RAD1: variants seen among roughly 807,000 people sequenced by gnomAD.
The protein encoded by RAD1 is cell cycle checkpoint protein RAD1.
A neutral mutation model predicts 30.0 loss-of-function variants in RAD1; 21 were observed. The ratio of observed to expected loss-of-function variants is 0.70; its 90% CI spans 0.50 to 1.01. The LOEUF (loss-of-function observed/expected upper bound fraction) is 1.01. Ranked by LOEUF, RAD1 falls within the 50% of genes least tolerant of loss-of-function variation. RAD1 has a pLI of 0.00. For missense variants in RAD1, 329 were observed against 329.0 expected, an observed-to-expected ratio of 1.00 and a Z score of 0.00; for synonymous variants, 109 against 113.6, an observed-to-expected ratio of 0.96 and a Z score of 0.26.
chr5:34,914,771 G>C lies in RAD1; in HGVS notation c.122C>G (p.Thr41Arg), dbSNP rs1434802714. Residue 41 changes from threonine (T) to arginine (R), a missense_variant, in exon 2 of 6, where the codon ACG (threonine) becomes AGG (arginine). Physicochemically the swap from Thr to Arg is moderately conservative, Grantham distance 71. Transcript: ENST00000382038. ...LKAIHFREHATCFATKNGIKV... is the reference protein window; with the variant it reads ...LKAIHFREHARCFATKNGIKV... ...GATACCATTTTTAGTTGCGAAACAC[G>C]TGGCATGTTCTCGGAAATGAATAGC... is the stretch of plus-strand genomic sequence containing the variant. 6.2e-7 allele frequency: 1 copy of C among 1,614,070 alleles called. No homozygotes were observed. Among genetic ancestry groups the C allele is most frequent in the East Asian group, 2.2e-5 (1 of 44,890 alleles).
At chr5:34,913,849 A>C (rs1763941425) in intron 2 of RAD1, 1 of 488,792 alleles carries the variant, frequency 2.0e-6, no homozygotes, top group East Asian at 4.7e-5. Flanking sequence ...TAGACGAATG[A>C]CTTGATAATG....
At chr5:34,914,620 A>G (rs1465976315) in intron 2 of RAD1, 75 bp downstream of exon 2, 1 of 1,431,996 alleles carries the variant, frequency 7.0e-7, no homozygotes, top group East Asian at 2.3e-5. Flanking sequence ...TATTTTGTCT[A>G]CTGAAACCTT....
Position 34,911,780 on chromosome 5 carries a change from C to T in RAD1, c.340G>A (p.Gly114Ser), listed in dbSNP as rs1364222047. ...TLTALRMCYQ[G>S]YGYPLMLFLE... ...AACAGCATCAAAGGGTAACCATAACCTTGGTAACACATTCGAAGTGCAGTT... is the reference window on the plus strand; with the variant it reads ...AACAGCATCAAAGGGTAACCATAACTTTGGTAACACATTCGAAGTGCAGTT... Residue 114 changes from glycine (G) to serine (S), a missense_variant, in exon 4 of 6, where the codon GGT becomes AGT. Gly to Ser is a moderately conservative substitution (Grantham distance 56, BLOSUM62 0). Transcript: ENST00000382038. 6.2e-7 allele frequency: 1 copy of T among 1,614,014 alleles called. No homozygotes were observed. Among genetic ancestry groups the T allele is most frequent in the African/African-American group, 1.3e-5 (1 of 74,926 alleles).
intron 4 of RAD1, among the ~76,000 whole-genome samples, chr5:34,911,173 T>C (rs922811518): frequency 8.5e-5 from 13 of 152,200 alleles, no homozygotes; most frequent in Non-Finnish European, 1.0e-4. Flanking sequence ...GTAGAAAACA[T>C]CTTCTTCTGC....
Position 34,911,757 on chromosome 5 carries a change from C to T in RAD1, c.363G>A (p.Leu121=). ...CYQGYGYPLM[L]FLEEGGVVTV... Reference sequence around the variant, plus strand: ...TCACCACTCCTCCTTCTTCCAGGAACAGCATCAAAGGGTAACCATAACCTT... The same window carrying T: ...TCACCACTCCTCCTTCTTCCAGGAATAGCATCAAAGGGTAACCATAACCTT... Residue 121 remains leucine, a synonymous_variant, in exon 4 of 6, where the codon CTG becomes CTA. Coordinates refer to ENST00000382038, the MANE Select transcript of RAD1 (RefSeq NM_002853.4). 1.2e-6 allele frequency: 2 copies of T among 1,614,152 alleles called. No individual in the cohort carries two copies. The highest frequency in any genetic ancestry group is 2.2e-5 in the South Asian group (2 of 91,078).
At chr5:34,914,291 G>A (rs1271670862) in intron 2 of RAD1, among the ~76,000 whole-genome samples, 1 of 152,146 alleles carries the variant, frequency 6.6e-6, no homozygotes, top group African/African-American at 2.4e-5. Context: ...ACCAGCTGTG[G>A]GACTGTTGGC....
At chr5:34,910,885 A>G (rs1053435450) in intron 4 of RAD1, among the ~76,000 whole-genome samples, 1 of 152,368 alleles carries the variant, frequency 6.6e-6, no homozygotes, top group South Asian at 2.1e-4. Flanking sequence ...TAATCCTGAA[A>G]AGAGACTTGT....
intron 2 of RAD1, chr5:34,914,410 C>T (rs915752267): frequency 2.5e-6 from 1 of 403,110 alleles, no homozygotes; most frequent in East Asian, 5.3e-5. Flanking sequence ...AATAAGAAGA[C>T]TGTAGCCTAG....
At chr5:34,914,366 T>G (rs1763968811) in intron 2 of RAD1, 1 of 325,480 alleles carries the variant, frequency 3.1e-6, no homozygotes, top group Admixed American at 4.7e-5. Context: ...GAACCTACCT[T>G]ACAGGACTAT....
intron 2 of RAD1, 25 bp from the exon 3 acceptor site, chr5:34,913,603 TTG>T (rs1561169680): frequency 7.0e-7 from 1 of 1,422,092 alleles, no homozygotes; most frequent in African/African-American, 1.4e-5. Flanking sequence ...AAAATGAAAA[TTG>T]TTACATAAAA....
In RAD1 at chr5:34,908,381, G is replaced by T. The variant is rs1763719585; in HGVS notation, c.*384C>A. ...GTAGAGATGGGGTTTCTCCACGTTG[G>T]TCAGGCTGGTCTCGAACTCCTGACC... On this transcript the variant is annotated 3_prime_UTR_variant, in exon 6 of 6. Transcript: ENST00000382038. The T allele has an allele frequency of 6.5e-6, 1 of 153,756 alleles. No individual in the cohort carries two copies. Among genetic ancestry groups the T allele is most frequent in the Non-Finnish European group, 1.4e-5 (1 of 69,134 alleles). 9.5% of individuals were successfully genotyped at this position (153,756 alleles called of 1,614,324 possible).
chr5:34,913,405 A>C, intron 3 of RAD1, 65 bp downstream of exon 3: 1 of 908,040 alleles, frequency 1.1e-6, no homozygotes, highest in Middle Eastern at 3.3e-4. Flanking sequence ...GTTCCAAATA[A>C]CTTCCTGTAT....
rs1349937592 is a variant in RAD1, at chr5:34,911,838, G to A, written c.308-26C>T. The A allele has an allele frequency of 9.3e-6, 15 of 1,610,588 alleles. No homozygotes were observed. In the Admixed American group the frequency reaches 1.3e-4, roughly 14 times the overall value. ...CTGCAATGGAAAGAAGTCATACTTG[G>A]CCTTAGCTTTATAGTTCTGGGTTCA... On this transcript the variant is annotated intron_variant, in intron 3 of 5. Coordinates refer to ENST00000382038, the MANE Select transcript of RAD1 (RefSeq NM_002853.4).
At position 34,911,758 on chromosome 5, in the gene RAD1, A is replaced by G. The variant is rs777445765; in HGVS notation, c.362T>C (p.Leu121Pro). 6 of 1,614,070 alleles carry G rather than the reference A, an allele frequency of 3.7e-6. No homozygotes were observed. The highest frequency in any genetic ancestry group is 2.2e-5 in the East Asian group (1 of 44,892). Residue 121 changes from leucine to proline, a missense_variant, in exon 4 of 6, where the codon CTG (leucine) becomes CCG (proline). Leu to Pro is a moderately conservative substitution (Grantham distance 98). Coordinates refer to ENST00000382038, the MANE Select transcript of RAD1 (RefSeq NM_002853.4). ...CYQGYGYPLM[L>P]FLEEGGVVTV... ...CACCACTCCTCCTTCTTCCAGGAAC[A>G]GCATCAAAGGGTAACCATAACCTTG... is the stretch of plus-strand genomic sequence containing the variant.
In RAD1 at chr5:34,915,461, C is replaced by A. The variant is rs1384389474; in HGVS notation, c.-115G>T. On this transcript the variant is annotated 5_prime_UTR_variant, in exon 1 of 6. Transcript: ENST00000382038. ...GCCCGAGAGCCCTTCTCAGCAAAGT[C>A]CCTGAAGAGGAGCGAGGCGGCTCCG... 4 of 379,290 alleles carry A rather than the reference C, an allele frequency of 1.1e-5. No individual in the cohort carries two copies. The highest frequency in any genetic ancestry group is 6.3e-5 in the African/African-American group (3 of 47,948). The allele number at this position is 379,290 out of a possible 1,614,324, so 23.5% of individuals were successfully genotyped here.
In RAD1 at chr5:34,909,361, A is replaced by G. The variant is rs779158866; in HGVS notation, c.567-5T>C. 7 of 1,562,070 alleles carry G rather than the reference A, an allele frequency of 4.5e-6. No individual in the cohort carries two copies. Among genetic ancestry groups the G allele is most frequent in the East Asian group, 2.2e-5 (1 of 44,462 alleles). ...GCATTTCCAAAAGTAGATAACCTAT[A>G]GAAAATGATTACCTCATTTATTCAT... On this transcript the variant is annotated splice_region_variant and splice_polypyrimidine_tract_variant and intron_variant, in intron 4 of 5. Transcript: ENST00000382038.
rs2111927502 is a variant in RAD1 at position 34,908,307 on chromosome 5, G to A, written c.*458C>T. ...TCCTGCCTCAGCCTCCCGAGTAGCT[G>A]GCATTACAGGCATGTGCCACCACGT... On this transcript the variant is annotated 3_prime_UTR_variant, in exon 6 of 6. Coordinates refer to ENST00000382038, the MANE Select transcript of RAD1 (RefSeq NM_002853.4). The A allele has an allele frequency of 6.6e-6, 1 of 152,110 alleles. No individual in the cohort carries two copies. The highest frequency in any genetic ancestry group is 3.4e-3 in the Middle Eastern group (1 of 294). 9.4% of individuals were successfully genotyped at this position (152,110 alleles called of 1,614,324 possible).
Position 34,909,836 on chromosome 5 carries a change from A to C in RAD1, c.567-480T>G, listed in dbSNP as rs2069477. ...AGAAGTTATTTGTAGACAATTTATA[A>C]GTGTTAACATGCTGATTTAATTTGC... is the stretch of plus-strand genomic sequence containing the variant. On this transcript the variant is annotated intron_variant, in intron 4 of 5. Coordinates refer to ENST00000382038, the MANE Select transcript of RAD1 (RefSeq NM_002853.4). 8.0e-3 allele frequency among the ~76,000 whole-genome samples: 1,211 copies of C among 152,286 alleles called. 11 individuals are homozygous for C. Among genetic ancestry groups the C allele is most frequent in the African/African-American group, 0.025 (1,029 of 41,556 alleles).
chr5:34,914,655 A>G, intron 2 of RAD1, 40 bp downstream of exon 2: 2 of 1,589,140 alleles, frequency 1.3e-6, no homozygotes, highest in South Asian at 1.1e-5. Flanking sequence ...TTACATTTAG[A>G]GTATCTATGG....
Sources: allele counts gnomAD v4.1 joint callset (sites outside exome capture counted in the v4.1 genomes callset), GRCh38; gene constraint gnomAD v4.1.1; transcripts MANE v1.5; gene names NCBI Gene and HGNC (gene_info 2026-07-23, HGNC 2026-07-21).